Variants in ABR observed in about 807,000 individuals in gnomAD.
ABR encodes active breakpoint cluster region-related protein.
Under a neutral mutation model 107.2 loss-of-function variants are expected in ABR, and 35 were observed. The observed-to-expected ratio is 0.33, with a 90% CI of 0.25 to 0.43. ABR has a LOEUF of 0.43. Among genes scored for constraint, ABR ranks in the 20% least tolerant of loss-of-function variants. The probability of loss-of-function intolerance (pLI) is 1.00; values close to 1 mark genes in which losing one functional copy is unlikely to be tolerated. For synonymous variants in ABR, 498 were observed against 462.0 expected (o/e 1.08, Z -1.00); for missense variants, 815 against 1,115.2 (o/e 0.73, Z 3.83).
Position 1,006,117 on chromosome 17 carries a change from A to G in ABR, c.2543T>C (p.Leu848Pro). Residue 848 changes from leucine to proline, a missense_variant, in exon 23 of 23, where the codon CTC becomes CCC. Physicochemically the swap from Leu to Pro is moderately conservative, Grantham distance 98. Transcript: ENST00000302538. ...GGAGAAGTACAGTGTGTTCCGCTTGAGTTCTGCGAAGGAAATGGGGGGGTG... is the reference window on the plus strand; with the variant it reads ...GGAGAAGTACAGTGTGTTCCGCTTGGGTTCTGCGAAGGAAATGGGGGGGTG... ...LQHPPISFAE[L>P]KRNTLYFSTD... 1 of 1,586,466 alleles carries G rather than the reference A, an allele frequency of 6.3e-7. No homozygotes were observed. Among genetic ancestry groups the G allele is most frequent in the Non-Finnish European group, 8.6e-7 (1 of 1,166,116 alleles).
In ABR at chr17:1,205,239, C is replaced by T. The variant is rs200775087; in HGVS notation, c.838+23554G>A. Among the ~76,000 whole-genome samples, 20 of 152,268 alleles carry T rather than the reference C, an allele frequency of 1.3e-4. No homozygotes were observed. The East Asian group carries it at 3.9e-3, about 29-fold the overall frequency. The stretch of plus-strand genomic sequence containing the variant: ...TTAAGAGACTGTAATGAGCTCTGGG[C>T]CCTTTGGCACATTACCCAATATTCT... On this transcript the variant is annotated intron_variant, in intron 1 of 22. Coordinates refer to the ABR transcript ENST00000574139.
intron 1 of ABR, among the ~76,000 whole-genome samples, chr17:1,194,963 T>G (rs1394097191): frequency 6.7e-6 from 1 of 148,634 alleles, no homozygotes; most frequent in Non-Finnish European, 1.5e-5. Flanking sequence ...TAATTTTTTT[T>G]TTAATTTTGT....
intron 1 of ABR, among the ~76,000 whole-genome samples, chr17:1,195,385 C>T (rs4602095): frequency 0.3 from 44,115 of 147,112 alleles, 7,529 homozygotes; most frequent in East Asian, 0.6. Flanking sequence ...CGTGAGCCAT[C>T]AGGCCCGGCC....
intron 5 of ABR, among the ~76,000 whole-genome samples, chr17:1,082,336 G>A (rs2036289760): frequency 6.6e-6 from 1 of 152,210 alleles, no homozygotes; most frequent in Admixed American, 6.5e-5. Flanking sequence ...CCACCTCTTA[G>A]GTAGAAATGT....
chr17:1,125,777 G>C (rs977094725), intron 1 of ABR: 3 of 231,916 alleles, frequency 1.3e-5, no homozygotes, highest in East Asian at 9.0e-5. Flanking sequence ...AGGTGGGGGG[G>C]GCCGGTCGAT....
chr17:1,007,405 G>A lies in ABR; in HGVS notation c.2343-93C>T. 6 of 1,480,722 alleles carry A rather than the reference G, an allele frequency of 4.1e-6. No individual in the cohort carries two copies. In the South Asian group the frequency reaches 7.5e-5, roughly 19 times the overall value. 91.7% of individuals were successfully genotyped at this position (1,480,722 alleles called of 1,614,324 possible). On this transcript the variant is annotated intron_variant, in intron 21 of 22. Transcript: ENST00000302538. ...GGCCTTCGCTGTGGGAACTCCTGAA[G>A]GACTCCTGGAAGGGGTCACCTCGTC... is the stretch of plus-strand genomic sequence containing the variant.
chr17:1,056,418 C>G (rs1035262579), intron 13 of ABR, among the ~76,000 whole-genome samples: 2 of 152,164 alleles, frequency 1.3e-5, no homozygotes, highest in African/African-American at 4.8e-5. Context: ...CCTGCCTATC[C>G]TGGCACTGAA....
At chr17:1,031,598 CTTGTT>C in intron 16 of ABR, 1 of 1,161,954 alleles carries the variant, frequency 8.6e-7, no homozygotes, top group Admixed American at 5.1e-5. Context: ...CCGCGGGCAC[CTTGTT>C]TCGGAGCAGC....
chr17:1,126,074 G>A (rs982258206), intron 1 of ABR, among the ~76,000 whole-genome samples: 2 of 152,168 alleles, frequency 1.3e-5, no homozygotes, highest in Non-Finnish European at 2.9e-5. Flanking sequence ...GGGAAGTTGA[G>A]CCGCATTAAC....
intron 1 of ABR, among the ~76,000 whole-genome samples, chr17:1,226,845 AC>A (rs2043231360): frequency 6.6e-6 from 1 of 152,000 alleles, no homozygotes; most frequent in Admixed American, 6.6e-5. Flanking sequence ...GTGGCAGTGT[AC>A]CATGTATATA....
chr17:1,049,409 A>G (rs1349014958), intron 16 of ABR, among the ~76,000 whole-genome samples: 1 of 151,910 alleles, frequency 6.6e-6, no homozygotes, highest in East Asian at 1.9e-4. Context: ...CTCGTGATCC[A>G]CCCACCTCGG....
In ABR at chr17:1,106,734, T is replaced by G. The variant is rs529677373; in HGVS notation, c.247-5999A>C. ...TAGTAGAGATGTGGTTTCACTATATTGGTCAGGCTGATCTCGAACTCCTGA... is the reference window on the plus strand; with the variant it reads ...TAGTAGAGATGTGGTTTCACTATATGGGTCAGGCTGATCTCGAACTCCTGA... On this transcript the variant is annotated intron_variant, in intron 2 of 22. Coordinates refer to ENST00000302538, the MANE Select transcript of ABR (RefSeq NM_021962.5). Among the ~76,000 whole-genome samples, 33 of 152,242 alleles carry G rather than the reference T, an allele frequency of 2.2e-4. No homozygotes were observed. The East Asian group carries it at 6.4e-3, about 30-fold the overall frequency.
Position 1,179,867 on chromosome 17 carries a change from C to CGCGGGGCGGCCGGGGCAGGGGCGAGG in ABR, c.-166_-141dup. The CGCGGGGCGGCCGGGGCAGGGGCGAGG allele has an allele frequency of 1.2e-6, 1 of 819,904 alleles. No individual in the cohort carries two copies. The allele number at this position is 819,904 out of a possible 1,614,324, so 50.8% of individuals were successfully genotyped here. ...CCGGGAACCAGGTCCCCGGGAGGAG[C>CGCGGGGCGGCCGGGGCAGGGGCGAGG]GCGGGGCGGCCGGGGCAGGGGCGAG... On this transcript the variant is annotated 5_prime_UTR_variant, in exon 1 of 23. Coordinates refer to ENST00000302538, the MANE Select transcript of ABR (RefSeq NM_021962.5). The surrounding 1 kb of genome is among the most constrained non-coding windows in gnomAD (Gnocchi z 4.9).
chr17:1,123,404 A>T lies in ABR; in HGVS notation c.246+1779T>A, dbSNP rs370876646. Among the ~76,000 whole-genome samples, 2 of 152,338 alleles carry T rather than the reference A, an allele frequency of 1.3e-5. 1 individual carries two copies. The stretch of plus-strand genomic sequence containing the variant: ...GAGCCACCAAGCAAGACGCACAGCC[A>T]CCAAGTCAAGTTCTGCCCCGAAGCC... On this transcript the variant is annotated intron_variant, in intron 2 of 22. Coordinates refer to ENST00000302538, the MANE Select transcript of ABR (RefSeq NM_021962.5).
Position 1,067,141 on chromosome 17 carries a change from G to A in ABR, c.1118C>T (p.Pro373Leu). ...SEASPQVHPF[P>L]DHELEDMKMK... is the part of the protein sequence containing the mutation. Reference sequence around the variant, plus strand: ...CTTCATGTCCTCCAGCTCATGGTCTGGGAAGGGGTGCACCTGGGGGCTGGC... The same window carrying A: ...CTTCATGTCCTCCAGCTCATGGTCTAGGAAGGGGTGCACCTGGGGGCTGGC... The change falls in exon 10 of 23, where the codon CCA becomes CTA. Residue 373 changes from proline to leucine, a missense_variant. Pro to Leu is a moderately conservative substitution (Grantham distance 98). Coordinates refer to ENST00000302538, the MANE Select transcript of ABR (RefSeq NM_021962.5). 6.2e-7 allele frequency: 1 copy of A among 1,613,928 alleles called. No homozygotes were observed. Among genetic ancestry groups the A allele is most frequent in the Non-Finnish European group, 8.5e-7 (1 of 1,179,970 alleles).
At chr17:1,077,227 G>A (rs981310936) in intron 6 of ABR, among the ~76,000 whole-genome samples, 1 of 152,146 alleles carries the variant, frequency 6.6e-6, no homozygotes, top group East Asian at 1.9e-4. Flanking sequence ...TTCTTGGAAA[G>A]AGTGACCAGG....
intron 2 of ABR, among the ~76,000 whole-genome samples, chr17:1,111,434 C>G (rs572118660): frequency 1.0e-3 from 152 of 152,282 alleles, no homozygotes; most frequent in Non-Finnish European, 2.0e-3. Context: ...CTCACCAGTC[C>G]CCACAGCTTC....
rs1467809649 is a variant in ABR, at chr17:1,006,096, A to T, written c.2564T>A (p.Phe855Tyr). 6.3e-7 allele frequency: 1 copy of T among 1,575,232 alleles called. No individual in the cohort carries two copies. Among genetic ancestry groups the T allele is most frequent in the African/African-American group, 1.3e-5 (1 of 74,260 alleles). ...TGCCTCGGGCTACACGTCGGTGGAGAAGTACAGTGTGTTCCGCTTGAGTTC... is the reference window on the plus strand; with the variant it reads ...TGCCTCGGGCTACACGTCGGTGGAGTAGTACAGTGTGTTCCGCTTGAGTTC... ...FAELKRNTLYFSTDV is the reference protein window; with the variant it reads ...FAELKRNTLYYSTDV Residue 855 changes from phenylalanine (F) to tyrosine (Y), a missense_variant, in exon 23 of 23, where the codon TTC (phenylalanine) becomes TAC (tyrosine). Physicochemically the swap from Phe to Tyr is conservative, Grantham distance 22. Transcript: ENST00000302538.
At position 1,070,334 on chromosome 17, in the gene ABR, C is replaced by T. The variant is rs1404340157; in HGVS notation, c.895-244G>A. Among the ~76,000 whole-genome samples, 5 of 152,176 alleles carry T rather than the reference C, an allele frequency of 3.3e-5. No homozygotes were observed. The highest frequency in any genetic ancestry group is 5.9e-5 in the Non-Finnish European group (4 of 68,024). On this transcript the variant is annotated intron_variant, in intron 8 of 22. Transcript: ENST00000302538. The surrounding 1 kb of genome is among the most constrained non-coding windows in gnomAD (Gnocchi z 4.2). ...TGACCTCTCTGAATCCCAGATTCAC[C>T]TTCTGTTAAGTGCGGACAGTGAGGT...
Sources: allele counts gnomAD v4.1 joint callset (sites outside exome capture counted in the v4.1 genomes callset), GRCh38; gene constraint gnomAD v4.1.1; non-coding constraint Gnocchi (gnomAD v3.1); transcripts MANE v1.5; gene names NCBI Gene and HGNC (gene_info 2026-07-23, HGNC 2026-07-21).